Variants in MGLL observed in about 807,000 individuals in gnomAD.
The protein encoded by MGLL is lysophospholipase homolog.
Under a neutral mutation model 29.1 loss-of-function variants are expected in MGLL, and 7 were observed. The observed-to-expected ratio is 0.24, with a 90% CI of 0.14 to 0.45. The LOEUF is 0.45. Among genes scored for constraint, MGLL ranks in the 20% least tolerant of loss-of-function variants. The pLI, the probability that MGLL is intolerant of heterozygous loss-of-function variation, is 0.99. For missense variants in MGLL, 356 were observed against 413.6 expected (o/e 0.86, Z 1.21); for synonymous variants, 148 against 168.3 (o/e 0.88, Z 0.93).
At chr3:127,796,082 G>A (rs2077377776) in intron 2 of MGLL, among the ~76,000 whole-genome samples, 1 of 152,118 alleles carries the variant, frequency 6.6e-6, no homozygotes, top group South Asian at 2.1e-4. Flanking sequence ...ATTGGAGAAA[G>A]CCCCCTCCCC....
intron 3 of MGLL, among the ~76,000 whole-genome samples, chr3:127,749,995 A>G (rs1265185702): frequency 1.3e-5 from 2 of 152,134 alleles, no homozygotes; most frequent in African/African-American, 4.8e-5. Flanking sequence ...AGCCAGGGAC[A>G]GGGAGAGATG....
chr3:127,723,700 T>A (rs997219143), intron 3 of MGLL, among the ~76,000 whole-genome samples: 1 of 152,232 alleles, frequency 6.6e-6, no homozygotes, highest in Admixed American at 6.5e-5. Context: ...ATCCGTAACA[T>A]AAATCGTACT....
chr3:127,799,082 C>T lies in MGLL; in HGVS notation c.156-17187G>A, dbSNP rs1307791088. Reference sequence around the variant, plus strand: ...TGAGTCCATGGACTCATTGTTCTCTCGAGGACACATTCTTAGGACATCATA... The same window carrying T: ...TGAGTCCATGGACTCATTGTTCTCTTGAGGACACATTCTTAGGACATCATA... On this transcript the variant is annotated intron_variant, in intron 2 of 7. Transcript: ENST00000265052. Among the ~76,000 whole-genome samples the T allele has an allele frequency of 2.6e-5, 4 of 152,268 alleles. No individual in the cohort carries two copies. In the East Asian group the frequency reaches 7.7e-4, roughly 29 times the overall value.
chr3:127,754,680 C>T (rs919045587), intron 3 of MGLL, among the ~76,000 whole-genome samples: 2 of 152,114 alleles, frequency 1.3e-5, no homozygotes, highest in African/African-American at 2.4e-5. Flanking sequence ...GAGGCTGGGT[C>T]GGGCAGGAGG....
At chr3:127,726,256 G>A (rs1476674804) in intron 3 of MGLL, among the ~76,000 whole-genome samples, 15 of 138,666 alleles carry the variant, frequency 1.1e-4, no homozygotes, top group African/African-American at 4.0e-4. Context: ...GGGAGGGAAA[G>A]AGAGAGAGAA....
chr3:127,805,581 C>A (rs188005806), intron 2 of MGLL, among the ~76,000 whole-genome samples: 2 of 152,210 alleles, frequency 1.3e-5, no homozygotes, highest in African/African-American at 2.4e-5. Context: ...GCCCACCCCC[C>A]ACTAGGGTTG....
rs1231469604 is a variant in MGLL at position 127,822,430 on chromosome 3, A to AG, written c.-113dup. On this transcript the variant is annotated 5_prime_UTR_variant, in exon 1 of 8. Transcript: ENST00000265052. Reference sequence around the variant, plus strand: ...CCAAGGCAGCAGGAAGGCAGCTCCGAGCCCTCTTCCCGCACCCAGACCCTG... The same window carrying AG: ...CCAAGGCAGCAGGAAGGCAGCTCCGAGGCCCTCTTCCCGCACCCAGACCCTG... 7.8e-6 allele frequency: 9 copies of AG among 1,160,292 alleles called. No individual in the cohort carries two copies. The highest frequency in any genetic ancestry group is 5.5e-5 in the Admixed American group (3 of 54,752). The allele number at this position is 1,160,292 out of a possible 1,614,324, so 71.9% of individuals were successfully genotyped here. A position where few individuals can be genotyped will look rare whatever the true frequency, so the allele number is the denominator to read the frequency against.
intron 2 of MGLL, among the ~76,000 whole-genome samples, chr3:127,816,779 C>T (rs1459992976): frequency 6.6e-6 from 1 of 152,202 alleles, no homozygotes; most frequent in Non-Finnish European, 1.5e-5. Context: ...TGGGGACCAT[C>T]ACTGAGCCCC....
At chr3:127,776,577 C>T (rs1480846368) in intron 3 of MGLL, among the ~76,000 whole-genome samples, 1 of 152,206 alleles carries the variant, frequency 6.6e-6, no homozygotes, top group Non-Finnish European at 1.5e-5. Context: ...AGGTGCCACA[C>T]CCCTTCCTGA....
intron 3 of MGLL, among the ~76,000 whole-genome samples, chr3:127,732,938 G>C (rs771430859): frequency 1.3e-5 from 2 of 152,148 alleles, no homozygotes; most frequent in Non-Finnish European, 2.9e-5. Flanking sequence ...GAGGAGCGGT[G>C]GGTGGAAGGA....
intron 2 of MGLL, among the ~76,000 whole-genome samples, chr3:127,786,720 C>G (rs2077219826): frequency 1.3e-5 from 2 of 152,214 alleles, no homozygotes; most frequent in Admixed American, 1.3e-4. Context: ...CCTCAGTTCG[C>G]TCACCCGTGA....
At chr3:127,700,982 A>G (rs958111889) in intron 6 of MGLL, among the ~76,000 whole-genome samples, 3 of 152,104 alleles carry the variant, frequency 2.0e-5, no homozygotes, top group Admixed American at 1.3e-4. Flanking sequence ...TGGGAGGACA[A>G]GGTGGGCAGA....
At chr3:127,811,800 A>C (rs990642852) in intron 2 of MGLL, among the ~76,000 whole-genome samples, 2 of 152,226 alleles carry the variant, frequency 1.3e-5, no homozygotes, top group Non-Finnish European at 2.9e-5. Context: ...GCCTGCCAAC[A>C]CCAGATGTGG....
intron 3 of MGLL, among the ~76,000 whole-genome samples, chr3:127,724,993 C>T (rs2076004533): frequency 6.6e-6 from 1 of 152,100 alleles, no homozygotes; most frequent in Non-Finnish European, 1.5e-5. Flanking sequence ...TCCCCATCCT[C>T]CCTCCTTCAT....
intron 2 of MGLL, among the ~76,000 whole-genome samples, chr3:127,803,207 T>C (rs936476173): frequency 6.6e-6 from 1 of 152,218 alleles, no homozygotes; most frequent in East Asian, 1.9e-4. Flanking sequence ...CTCGAACTCC[T>C]GGCCTCAAAT....
intron 3 of MGLL, among the ~76,000 whole-genome samples, chr3:127,731,224 T>C (rs2076143909): frequency 6.6e-6 from 1 of 152,094 alleles, no homozygotes; most frequent in Non-Finnish European, 1.5e-5. Context: ...CTTGTTATGT[T>C]GCTCAGGGTG....
intron 5 of MGLL, among the ~76,000 whole-genome samples, chr3:127,720,345 G>C (rs1025365647): frequency 4.6e-5 from 7 of 152,164 alleles, no homozygotes; most frequent in Non-Finnish European, 8.8e-5. Context: ...TCTACCTTAA[G>C]CCTGATGCCC....
At chr3:127,790,606 G>A (rs113916353) in intron 2 of MGLL, among the ~76,000 whole-genome samples, 116 of 152,262 alleles carry the variant, frequency 7.6e-4, no homozygotes, top group African/African-American at 2.6e-3. Flanking sequence ...TCCTTCGTCC[G>A]TAAGGAACAC....
intron 3 of MGLL, among the ~76,000 whole-genome samples, chr3:127,731,707 A>G (rs2076154546): frequency 6.6e-6 from 1 of 152,194 alleles, no homozygotes; most frequent in Admixed American, 6.5e-5. Flanking sequence ...GGAAGCCACA[A>G]TAAAAGCCCC....
Sources: gnomAD v4.1 joint callset for allele counts (sites outside exome capture counted in the v4.1 genomes callset) on GRCh38, gnomAD v4.1.1 for gene constraint, MANE v1.5 for transcripts, NCBI Gene and HGNC (gene_info 2026-07-23, HGNC 2026-07-21) for gene names.